The following NF1 variants were observed in gnomAD, a reference collection of about 807,000 sequenced individuals.
NF1 encodes neurofibromin 1, also known as neurofibromin.
In NF1, 122 loss-of-function variants were observed where a neutral mutation model predicts 325.7. That is an observed-to-expected ratio of 0.37 (90% CI 0.32 to 0.44). NF1 has a LOEUF of 0.44. Among genes scored for constraint, NF1 ranks in the 20% least tolerant of loss-of-function variants. The pLI, the probability that NF1 is intolerant of heterozygous loss-of-function variation, is 1.00. For missense variants in NF1, 2,140 were observed against 3,415.4 expected, an observed-to-expected ratio of 0.63 and a Z score of 9.31; for synonymous variants, 1,091 against 1,186.0, an observed-to-expected ratio of 0.92 and a Z score of 1.65.
chr17:31,203,825 G>A (rs1040529495), intron 11 of NF1, among the ~76,000 whole-genome samples: 1 of 151,936 alleles, frequency 6.6e-6, no homozygotes, highest in Non-Finnish European at 1.5e-5. Context: ...TTTTAGTGAT[G>A]TGTATTGAGG....
At chr17:31,329,881 C>T (rs1380744316) in intron 38 of NF1, among the ~76,000 whole-genome samples, 1 of 152,154 alleles carries the variant, frequency 6.6e-6, no homozygotes, top group East Asian at 1.9e-4. Context: ...CCCATTATAA[C>T]TGGATCTAGT....
rs564545012 is a variant in NF1, at chr17:31,358,463, CT to C, written c.7971-8del. The C allele has an allele frequency of 7.4e-4, 1,178 of 1,600,480 alleles. 5 individuals carry two copies. The African/African-American group carries it at 0.013, about 17-fold the overall frequency. Reference sequence around the variant, plus strand: ...TTCCTCTAAAATGTTCCTCTGTTGACTTTTTTTTTCTTTTAGGCATAATTTG... The same window carrying C: ...TTCCTCTAAAATGTTCCTCTGTTGACTTTTTTTTCTTTTAGGCATAATTTG... On this transcript the variant is annotated splice_polypyrimidine_tract_variant and intron_variant, in intron 54 of 57. Coordinates refer to ENST00000358273, the MANE Select transcript of NF1 (RefSeq NM_001042492.3).
intron 30 of NF1, among the ~76,000 whole-genome samples, chr17:31,249,759 T>C (rs2067462397): frequency 6.6e-6 from 1 of 152,244 alleles, no homozygotes. Flanking sequence ...TTTTATGTCT[T>C]CTACTGTGTT....
intron 5 of NF1, among the ~76,000 whole-genome samples, chr17:31,180,713 C>T (rs2066112863): frequency 6.6e-6 from 1 of 152,186 alleles, no homozygotes; most frequent in Non-Finnish European, 1.5e-5. Flanking sequence ...TCTCACCACT[C>T]CTATTCAAAC....
chr17:31,095,574 C>T (rs866656822), intron 1 of NF1: 5 of 584,090 alleles, frequency 8.6e-6, no homozygotes, highest in East Asian at 6.0e-5. Flanking sequence ...GGAGCTTGGG[C>T]ACCCTTTCCC....
At chr17:31,239,867 A>G (rs903126512) in intron 29 of NF1, among the ~76,000 whole-genome samples, 1 of 152,188 alleles carries the variant, frequency 6.6e-6, no homozygotes, top group East Asian at 1.9e-4. Flanking sequence ...TGTTCAAGCA[A>G]TTCTCCTTGC....
rs1597868278 is a variant in NF1, at chr17:31,358,609, A to G, written c.8100A>G (p.Thr2700=). ...AAGAATCCCCACCACAATACCAAAC[A>G]TCTTACCTGCAAAGTAAATAAATGT... ...YHEESPPQYQ[T]SYLQSFGFNG... The change falls in exon 55 of 58, where the codon ACA becomes ACG. Residue 2700 remains threonine, a synonymous_variant. Transcript: ENST00000358273. The G allele has an allele frequency of 1.9e-6, 3 of 1,614,064 alleles. No individual in the cohort carries two copies. The highest frequency in any genetic ancestry group is 2.5e-6 in the Non-Finnish European group (3 of 1,179,944).
intron 36 of NF1, among the ~76,000 whole-genome samples, chr17:31,280,866 A>G (rs2068106143): frequency 6.7e-6 from 1 of 148,994 alleles, no homozygotes; most frequent in Admixed American, 6.7e-5. Flanking sequence ...CTTCATAACC[A>G]TCTATATTAT....
At chr17:31,350,099 T>G in intron 49 of NF1, 84 bp from the exon 50 acceptor site, 5 of 1,434,882 alleles carry the variant, frequency 3.5e-6, no homozygotes. Context: ...CTATGCTCTT[T>G]AGGAGACTGT....
At chr17:31,156,622 A>G (rs1271441087) in intron 2 of NF1, among the ~76,000 whole-genome samples, 1 of 152,172 alleles carries the variant, frequency 6.6e-6, no homozygotes, top group Non-Finnish European at 1.5e-5. Context: ...TTCCTTCTGT[A>G]ACCTGTGACA....
At chr17:31,372,663 A>G (rs1490347560) in intron 57 of NF1, among the ~76,000 whole-genome samples, 2 of 152,186 alleles carry the variant, frequency 1.3e-5, no homozygotes, top group Non-Finnish European at 2.9e-5. Context: ...ATAGATAAAA[A>G]TAAAAATCTT....
chr17:31,351,942 G>T (rs894774099), intron 50 of NF1, among the ~76,000 whole-genome samples: 3 of 150,998 alleles, frequency 2.0e-5, no homozygotes, highest in Non-Finnish European at 4.4e-5. Context: ...TCTAATTCCA[G>T]TGTGGCCCAG....
At chr17:31,292,860 A>T (rs2068370350) in intron 36 of NF1, among the ~76,000 whole-genome samples, 1 of 152,104 alleles carries the variant, frequency 6.6e-6, no homozygotes, top group Non-Finnish European at 1.5e-5. Context: ...GTATCCTCAG[A>T]GGAAAAGACA....
At chr17:31,305,417 T>C (rs778827046) in intron 36 of NF1, 2 of 1,614,198 alleles carry the variant, frequency 1.2e-6, no homozygotes, top group Admixed American at 3.3e-5. Context: ...CCAGAAAAAG[T>C]GTCGCTGAAT....
rs1916732223 is a variant in NF1, at chr17:31,148,547, T to C, written c.61-7436T>C. On this transcript the variant is annotated intron_variant, in intron 1 of 57. Coordinates refer to ENST00000358273, the MANE Select transcript of NF1 (RefSeq NM_001042492.3). ...CATTACTATGGGATTGGTCATTGTT[T>C]CTAGGCATTTTCATTGGACAGAAAT... 2.0e-5 allele frequency among the ~76,000 whole-genome samples: 3 copies of C among 152,174 alleles called. No homozygotes were observed. In the South Asian group the frequency reaches 6.2e-4, roughly 32 times the overall value.
intron 5 of NF1, among the ~76,000 whole-genome samples, chr17:31,178,138 A>G (rs1448314096): frequency 6.6e-6 from 1 of 152,336 alleles, no homozygotes; most frequent in African/African-American, 2.4e-5. Flanking sequence ...GTTACCCACA[A>G]AGGGAAGCCC....
At chr17:31,323,251 C>A (rs1350179002) in intron 36 of NF1, among the ~76,000 whole-genome samples, 2 of 151,622 alleles carry the variant, frequency 1.3e-5, no homozygotes, top group African/African-American at 4.8e-5. Context: ...TACAAAAAAA[C>A]AAAAACAAAA....
At chr17:31,246,770 G>T (rs2151448860) in intron 29 of NF1, among the ~76,000 whole-genome samples, 1 of 152,312 alleles carries the variant, frequency 6.6e-6, no homozygotes, top group African/African-American at 2.4e-5. Flanking sequence ...ATGACACCCA[G>T]AGAATTTAAG....
chr17:31,298,164 G>A (rs2068504379), intron 36 of NF1, among the ~76,000 whole-genome samples: 1 of 152,058 alleles, frequency 6.6e-6, no homozygotes, highest in African/African-American at 2.4e-5. Flanking sequence ...TTCTGGGAAA[G>A]TAGTTTATAG....
Sources: gnomAD v4.1 joint callset for allele counts (sites outside exome capture counted in the v4.1 genomes callset) on GRCh38, gnomAD v4.1.1 for gene constraint, MANE v1.5 for transcripts, NCBI Gene and HGNC (gene_info 2026-07-23, HGNC 2026-07-21) for gene names.